ZNF385D: variants seen among roughly 807,000 people sequenced by gnomAD.
ZNF385D encodes the protein zinc finger protein 659.
ZNF385D carries 15 observed loss-of-function variants against 35.8 expected under a neutral mutation model. The observed-to-expected ratio is 0.42, with a 90% CI of 0.28 to 0.64. The LOEUF is 0.64. Among genes scored for constraint, ZNF385D ranks in the 30% least tolerant of loss-of-function variants. The probability of loss-of-function intolerance (pLI) is 0.23; values close to 1 mark genes in which losing one functional copy is unlikely to be tolerated. For missense variants in ZNF385D, 474 were observed against 494.6 expected, an observed-to-expected ratio of 0.96 and a Z score of 0.39; for synonymous variants, 212 against 186.8, an observed-to-expected ratio of 1.13 and a Z score of -1.10.
intron 3 of ZNF385D, among the ~76,000 whole-genome samples, chr3:21,801,865 C>T (rs1183256450): frequency 6.6e-6 from 1 of 152,124 alleles, no homozygotes; most frequent in African/African-American, 2.4e-5. Flanking sequence ...CTGTGTAATA[C>T]CATCTGTTTT....
At chr3:22,226,992 T>C (rs1029122643) in intron 2 of ZNF385D, among the ~76,000 whole-genome samples, 2 of 152,194 alleles carry the variant, frequency 1.3e-5, no homozygotes, top group African/African-American at 4.8e-5. Flanking sequence ...TTGTTACTCA[T>C]GGTGTGATTC....
At chr3:22,125,627 T>G (rs1370841946) in intron 3 of ZNF385D, among the ~76,000 whole-genome samples, 2 of 152,148 alleles carry the variant, frequency 1.3e-5, no homozygotes, top group Non-Finnish European at 2.9e-5. Context: ...ATAGTTTTCT[T>G]GTAAAGGTCT....
chr3:21,625,109 A>C (rs1420391361), intron 2 of ZNF385D, among the ~76,000 whole-genome samples: 2 of 152,076 alleles, frequency 1.3e-5, no homozygotes, highest in East Asian at 1.9e-4. Flanking sequence ...CTTTCGGAAA[A>C]GACTTAAAAA....
rs536240712 is a variant in ZNF385D at position 21,582,451 on chromosome 3, CTCTT to C, written c.166-17771_166-17768del. On this transcript the variant is annotated intron_variant, in intron 2 of 7. Transcript: ENST00000281523. ...ACCAAATTGCTAAAGCACTAGTTCT[CTCTT>C]CTGCATATTTTTTTTCTCTACTCTG... Among the ~76,000 whole-genome samples the C allele has an allele frequency of 3.9e-5, 6 of 152,262 alleles. No individual in the cohort carries two copies. The South Asian group carries it at 1.2e-3, about 32-fold the overall frequency.
At chr3:22,211,129 G>T in intron 2 of ZNF385D, among the ~76,000 whole-genome samples, 1 of 151,824 alleles carries the variant, frequency 6.6e-6, no homozygotes, top group East Asian at 1.9e-4. Flanking sequence ...GAGTGTGTTT[G>T]CAAAGTTATT....
intron 3 of ZNF385D, among the ~76,000 whole-genome samples, chr3:21,985,372 A>G (rs1445138056): frequency 8.6e-6 from 1 of 116,568 alleles, no homozygotes; most frequent in Non-Finnish European, 1.7e-5. Flanking sequence ...AGTTTTTAGC[A>G]TGAAGGGTTG....
intron 3 of ZNF385D, among the ~76,000 whole-genome samples, chr3:21,935,341 CTG>C (rs764909283): frequency 7.3e-4 from 111 of 152,272 alleles, no homozygotes; most frequent in Non-Finnish European, 1.5e-3. Flanking sequence ...GCAAAAAACA[CTG>C]TGGTACGTGC....
chr3:21,425,694 GA>G (rs780375691), intron 5 of ZNF385D, 24 bp from the exon 6 acceptor site: 54 of 1,478,376 alleles, frequency 3.7e-5, no homozygotes, highest in Non-Finnish European at 4.7e-5. Flanking sequence ...TGAAATGAAG[GA>G]AGGAAAGGAG....
intron 7 of ZNF385D, among the ~76,000 whole-genome samples, chr3:21,422,384 A>T (rs1320362399): frequency 6.6e-6 from 1 of 152,192 alleles, no homozygotes; most frequent in African/African-American, 2.4e-5. Context: ...TTTTAAGTTC[A>T]AGGGTACATA....
At chr3:21,909,594 C>A (rs1273045637) in intron 3 of ZNF385D, among the ~76,000 whole-genome samples, 1 of 151,582 alleles carries the variant, frequency 6.6e-6, no homozygotes, top group Non-Finnish European at 1.5e-5. Context: ...CTTATCATCT[C>A]CAACTCAAGG....
intron 3 of ZNF385D, among the ~76,000 whole-genome samples, chr3:22,078,953 AT>A (rs1160092080): frequency 6.6e-6 from 1 of 151,998 alleles, no homozygotes; most frequent in African/African-American, 2.4e-5. Flanking sequence ...ATTTTTCTTT[AT>A]TTCAAGTGTG....
At chr3:21,900,274 T>C (rs552829821) in intron 3 of ZNF385D, among the ~76,000 whole-genome samples, 5 of 152,252 alleles carry the variant, frequency 3.3e-5, no homozygotes, top group East Asian at 1.9e-4. Context: ...AATTTAACTC[T>C]AGTTGGATAA....
At chr3:21,710,751 CATGTA>C (rs2068070256) in intron 1 of ZNF385D, among the ~76,000 whole-genome samples, 1 of 152,098 alleles carries the variant, frequency 6.6e-6, no homozygotes, top group South Asian at 2.1e-4. Flanking sequence ...TGAACATCTC[CATGTA>C]ATGTTTTCTC....
intron 3 of ZNF385D, among the ~76,000 whole-genome samples, chr3:22,109,514 A>C (rs1323682144): frequency 6.6e-6 from 1 of 152,156 alleles, no homozygotes; most frequent in African/African-American, 2.4e-5. Flanking sequence ...TTGGAAATGA[A>C]TAAGTATTTG....
intron 2 of ZNF385D, among the ~76,000 whole-genome samples, chr3:21,573,891 C>A (rs549292018): frequency 2.6e-5 from 4 of 151,784 alleles, no homozygotes; most frequent in Non-Finnish European, 5.9e-5. Context: ...GAAACCCCAT[C>A]TCTACTAAAA....
At chr3:22,225,746 T>C (rs1446868783) in intron 2 of ZNF385D, among the ~76,000 whole-genome samples, 4 of 152,188 alleles carry the variant, frequency 2.6e-5, no homozygotes, top group Admixed American at 2.6e-4. Flanking sequence ...CACAAGGTCT[T>C]ATTCTAAGCA....
chr3:21,624,665 C>A (rs1217749111), intron 2 of ZNF385D, among the ~76,000 whole-genome samples: 1 of 151,982 alleles, frequency 6.6e-6, no homozygotes, highest in Non-Finnish European at 1.5e-5. Context: ...AACCATTACT[C>A]CACCCTTTTA....
intron 3 of ZNF385D, among the ~76,000 whole-genome samples, chr3:22,099,925 G>A (rs1372761739): frequency 2.0e-5 from 3 of 148,578 alleles, no homozygotes; most frequent in Non-Finnish European, 3.0e-5. Context: ...AAAAATGTCA[G>A]GATTAAGTGT....
At chr3:21,559,068 C>T (rs2062845800) in intron 3 of ZNF385D, among the ~76,000 whole-genome samples, 1 of 144,192 alleles carries the variant, frequency 6.9e-6, no homozygotes, top group South Asian at 2.3e-4. Flanking sequence ...CGTGTTTTTA[C>T]ACATGAGAGT....
Sources: gnomAD v4.1 joint callset for allele counts (sites outside exome capture counted in the v4.1 genomes callset) on GRCh38, gnomAD v4.1.1 for gene constraint, MANE v1.5 for transcripts, NCBI Gene and HGNC (gene_info 2026-07-23, HGNC 2026-07-21) for gene names.